Variants in FLI1 observed in about 807,000 individuals in gnomAD.
FLI1 encodes Fli-1 proto-oncogene, ETS transcription factor.
In FLI1, 13 loss-of-function variants were observed where a neutral mutation model predicts 53.1. The observed-to-expected ratio is 0.24, with a 90% CI of 0.16 to 0.39. The LOEUF (loss-of-function observed/expected upper bound fraction) is 0.39. Among genes scored for constraint, FLI1 ranks in the 10% least tolerant of loss-of-function variants. The pLI is 1.00. For missense variants in FLI1, 424 were observed against 600.5 expected (o/e 0.71, Z 3.07); for synonymous variants, 244 against 236.7 (o/e 1.03, Z -0.28).
chr11:128,805,074 A>C lies in FLI1; in HGVS notation c.656-292A>C, dbSNP rs185204327. ...GAAGCCCAGAGGAGACTTTTGATTC[A>C]TCCCAGGTTTCACAACAAAGAGTGT... On this transcript the variant is annotated intron_variant, in intron 5 of 8. Transcript: ENST00000527786. The C allele has an allele frequency of 6.4e-4, 206 of 319,888 alleles. 1 individual carries two copies. Among genetic ancestry groups the C allele is most frequent in the African/African-American group, 3.9e-3 (182 of 46,878 alleles). The allele number at this position is 319,888 out of a possible 1,614,324, so 19.8% of individuals were successfully genotyped here. A position where few individuals can be genotyped will look rare whatever the true frequency, so the allele number is the denominator to read the frequency against.
In FLI1 at chr11:128,810,158, C is replaced by A. The variant is rs1248574667; in HGVS notation, c.830-301C>A. Among the ~76,000 whole-genome samples, 2 of 151,952 alleles carry A rather than the reference C, an allele frequency of 1.3e-5. No individual in the cohort carries two copies. On this transcript the variant is annotated intron_variant, in intron 8 of 8. Coordinates refer to ENST00000527786, the MANE Select transcript of FLI1 (RefSeq NM_002017.5). This position sits in a 1 kb window ranked among gnomAD's most constrained non-coding sequence, Gnocchi z 6.6. The stretch of plus-strand genomic sequence containing the variant: ...CCAAAGGGATTGAGGGGGGATATGG[C>A]TCACCCAAGATCACACAGCTAGTTC...
At chr11:128,751,186 TATC>T (rs1465731012) in intron 1 of FLI1, among the ~76,000 whole-genome samples, 1 of 152,220 alleles carries the variant, frequency 6.6e-6, no homozygotes, top group African/African-American at 2.4e-5. Flanking sequence ...TTTCAGGCTC[TATC>T]ATCACCAAAT....
chr11:128,747,523 T>A (rs892667631), intron 1 of FLI1, among the ~76,000 whole-genome samples: 3 of 152,142 alleles, frequency 2.0e-5, no homozygotes, highest in Non-Finnish European at 4.4e-5. Flanking sequence ...TTCCTACCCA[T>A]CCGGCTAGGT....
At chr11:128,746,138 G>T (rs1940378521) in intron 1 of FLI1, among the ~76,000 whole-genome samples, 1 of 152,124 alleles carries the variant, frequency 6.6e-6, no homozygotes, top group Non-Finnish European at 1.5e-5. Flanking sequence ...GTGTGGGCAG[G>T]CAGGGAGGGT....
At chr11:128,740,043 G>A (rs1259385180) in intron 1 of FLI1, among the ~76,000 whole-genome samples, 2 of 152,162 alleles carry the variant, frequency 1.3e-5, no homozygotes, top group African/African-American at 4.8e-5. Flanking sequence ...ATATTGGTAG[G>A]GAATAGATGT....
chr11:128,737,585 C>T (rs189673211), intron 1 of FLI1, among the ~76,000 whole-genome samples: 1 of 152,266 alleles, frequency 6.6e-6, no homozygotes, highest in African/African-American at 2.4e-5. Flanking sequence ...ATAAATGATG[C>T]ATGAATGTAT....
chr11:128,775,129 G>A (rs954979151), intron 4 of FLI1, among the ~76,000 whole-genome samples: 1 of 152,138 alleles, frequency 6.6e-6, no homozygotes, highest in Non-Finnish European at 1.5e-5. Flanking sequence ...GTATACTGAA[G>A]ACATTTGAAA....
chr11:128,718,046 T>C (rs1362145299), intron 1 of FLI1, among the ~76,000 whole-genome samples: 1 of 152,236 alleles, frequency 6.6e-6, no homozygotes, highest in Non-Finnish European at 1.5e-5. Flanking sequence ...AGAAGCCTCA[T>C]AGATAATGGC....
chr11:128,772,182 A>G (rs1941590051), intron 3 of FLI1, among the ~76,000 whole-genome samples: 1 of 152,024 alleles, frequency 6.6e-6, no homozygotes, highest in South Asian at 2.1e-4. Context: ...GTTCTCCCCA[A>G]CGTCATCTCT....
At position 128,805,445 on chromosome 11, in the gene FLI1, T is replaced by G. The variant is rs1444407443; in HGVS notation, c.721+14T>G. 1 of 1,505,348 alleles carries G rather than the reference T, an allele frequency of 6.6e-7. No individual in the cohort carries two copies. The highest frequency in any genetic ancestry group is 1.9e-5 in the Admixed American group (1 of 52,074). The allele number at this position is 1,505,348 out of a possible 1,614,324, so 93.2% of individuals were successfully genotyped here. A position where few individuals can be genotyped will look rare whatever the true frequency, so the allele number is the denominator to read the frequency against. On this transcript the variant is annotated intron_variant, in intron 6 of 8. Transcript: ENST00000527786. ...GCCTCAACAAAAGTAAGTAAATGTT[T>G]TATAGTTCTTTGGAGGAAAGCATGT...
At chr11:128,685,156 C>A (rs906812093), upstream of FLI1, among the ~76,000 whole-genome samples, 2 of 152,232 alleles carry the variant, frequency 1.3e-5, no homozygotes, top group Non-Finnish European at 2.9e-5. Flanking sequence ...TCCTGCACAG[C>A]GGCTCCTGCA....
chr11:128,782,908 C>T (rs573898596), intron 5 of FLI1, among the ~76,000 whole-genome samples: 1 of 152,242 alleles, frequency 6.6e-6, no homozygotes, highest in Non-Finnish European at 1.5e-5. Context: ...GGCATTGAAA[C>T]AAGTGAATAA....
Position 128,805,405 on chromosome 11 carries a change from A to G in FLI1, c.695A>G (p.Asn232Ser), listed in dbSNP as rs549977412. ...YDSVRRGAWGNNMNSGLNKSP... is the reference protein window; with the variant it reads ...YDSVRRGAWGSNMNSGLNKSP... ...TCAGTCAGAAGAGGAGCTTGGGGCA[A>G]TAACATGAATTCTGGCCTCAACAAA... is the stretch of plus-strand genomic sequence containing the variant. The change falls in exon 6 of 9, where the codon AAT becomes AGT. Residue 232 changes from asparagine to serine, a missense_variant. Physicochemically the swap from Asn to Ser is conservative, Grantham distance 46. Transcript: ENST00000527786. The G allele has an allele frequency of 4.4e-6, 7 of 1,586,906 alleles. No individual in the cohort carries two copies. Among genetic ancestry groups the G allele is most frequent in the South Asian group, 2.3e-5 (2 of 87,234 alleles).
intron 2 of FLI1, among the ~76,000 whole-genome samples, chr11:128,762,343 G>A (rs974334297): frequency 1.3e-5 from 2 of 152,188 alleles, no homozygotes; most frequent in Admixed American, 1.3e-4. Context: ...GAAAACCAAG[G>A]CAGGGTATAA....
At chr11:128,748,336 C>T (rs1160654598) in intron 1 of FLI1, 1 of 848,328 alleles carries the variant, frequency 1.2e-6, no homozygotes, top group East Asian at 1.2e-4. Context: ...TGATGTTCAA[C>T]AAGACTCCTT....
intron 1 of FLI1, among the ~76,000 whole-genome samples, chr11:128,700,886 C>G (rs905826987): frequency 6.6e-6 from 1 of 152,112 alleles, no homozygotes; most frequent in Non-Finnish European, 1.5e-5. Flanking sequence ...ATAATAATAA[C>G]TTGGGTCTTG....
At chr11:128,730,567 T>C (rs1224703681) in intron 1 of FLI1, among the ~76,000 whole-genome samples, 1 of 152,214 alleles carries the variant, frequency 6.6e-6, no homozygotes, top group Non-Finnish European at 1.5e-5. Flanking sequence ...TTTCATTTCT[T>C]TTTGAAGGCT....
intron 1 of FLI1, among the ~76,000 whole-genome samples, chr11:128,705,304 G>T (rs575586601): frequency 2.0e-5 from 3 of 152,330 alleles, no homozygotes; most frequent in Non-Finnish European, 4.4e-5. Flanking sequence ...GCCTGGCTTT[G>T]TTAGCAGGTG....
rs1472717533 is a variant in FLI1 at position 128,810,771 on chromosome 11, A to T, written c.1142A>T (p.Tyr381Phe). Residue 381 changes from tyrosine (Y) to phenylalanine (F), a missense_variant, in exon 9 of 9, where the codon TAC becomes TTC. This residue lies in a region of FLI1 where 87 missense variants were observed against 100.0 expected (regional missense o/e 0.87). Transcript: ENST00000527786. This position sits in a 1 kb window ranked among gnomAD's most constrained non-coding sequence, Gnocchi z 6.6. Reference sequence around the variant, plus strand: ...CCGACCGAGTCGTCCATGTACAAGTACCCTTCTGACATCTCCTACATGCCT... The same window carrying T: ...CCGACCGAGTCGTCCATGTACAAGTTCCCTTCTGACATCTCCTACATGCCT... Reference protein sequence around the residue: ...PHPTESSMYKYPSDISYMPSY... With the variant: ...PHPTESSMYKFPSDISYMPSY... The T allele has an allele frequency of 6.2e-7, 1 of 1,614,012 alleles. No homozygotes were observed. The highest frequency in any genetic ancestry group is 1.7e-5 in the Admixed American group (1 of 60,028).
Sources: gnomAD v4.1 joint callset for allele counts (sites outside exome capture counted in the v4.1 genomes callset) on GRCh38, gnomAD v4.1.1 for gene constraint, gnomAD v4.1.1 regional missense constraint, Gnocchi (gnomAD v3.1) non-coding constraint, MANE v1.5 for transcripts, NCBI Gene and HGNC (gene_info 2026-07-23, HGNC 2026-07-21) for gene names.